Variants in ATP11A observed in about 807,000 individuals in gnomAD.
ATP11A encodes the protein phospholipid-transporting ATPase IH.
ATP11A carries 81 observed loss-of-function variants against 154.4 expected under a neutral mutation model. The ratio of observed to expected loss-of-function variants is 0.52; its 90% confidence interval spans 0.44 to 0.63. The LOEUF is 0.63. Ranked by LOEUF, ATP11A falls within the 30% of genes least tolerant of loss-of-function variation. The probability of loss-of-function intolerance (pLI) is 0.00; values close to 1 mark genes in which losing one functional copy is unlikely to be tolerated. For synonymous variants in ATP11A, 623 were observed against 585.9 expected, an observed-to-expected ratio of 1.06 and a Z score of -0.91; for missense variants, 1,316 against 1,474.3, an observed-to-expected ratio of 0.89 and a Z score of 1.76.
At chr13:112,801,948 A>G (rs1419476869) in intron 2 of ATP11A, among the ~76,000 whole-genome samples, 1 of 152,228 alleles carries the variant, frequency 6.6e-6, no homozygotes, top group African/African-American at 2.4e-5. Context: ...AAGACCCAGA[A>G]TAGCCTCGCA....
At chr13:112,718,159 C>A (rs1334160198) in intron 1 of ATP11A, among the ~76,000 whole-genome samples, 2 of 152,194 alleles carry the variant, frequency 1.3e-5, no homozygotes, top group Non-Finnish European at 2.9e-5. Context: ...TGTCTCTCCC[C>A]CTTTGCTGTG....
At chr13:112,864,004 A>G (rs185323365) in intron 25 of ATP11A, among the ~76,000 whole-genome samples, 9 of 50,270 alleles carry the variant, frequency 1.8e-4, no homozygotes, top group East Asian at 8.8e-4. Flanking sequence ...CACCACGTGC[A>G]CAGTAATTCA....
intron 1 of ATP11A, among the ~76,000 whole-genome samples, chr13:112,764,752 G>T (rs1263202891): frequency 2.6e-5 from 4 of 152,236 alleles, no homozygotes; most frequent in Non-Finnish European, 4.4e-5. Context: ...GGCTGGAAGT[G>T]CAGAGTCCTG....
intron 4 of ATP11A, among the ~76,000 whole-genome samples, chr13:112,806,846 C>T (rs61294147): frequency 1.3e-5 from 2 of 152,118 alleles, no homozygotes; most frequent in African/African-American, 2.4e-5. Context: ...TTTCTGTCAC[C>T]GTAGAGTCGC....
At chr13:112,719,682 G>T (rs970484320) in intron 1 of ATP11A, among the ~76,000 whole-genome samples, 1 of 150,436 alleles carries the variant, frequency 6.6e-6, no homozygotes, top group Admixed American at 6.6e-5. Flanking sequence ...TTACTTCTTT[G>T]TAGAGGGTAA....
rs145587952 is a variant in ATP11A, at chr13:112,862,446, C to T, written c.2862C>T (p.Val954=). ...LKRDPTLYRD[V]AKNALLRWRV... The stretch of plus-strand genomic sequence containing the variant: ...GCACCTTTCTCCTCACCAGGGACGT[C>T]GCCAAGAATGCCCTGCTGCGCTGGC... Residue 954 remains valine, a synonymous_variant, in exon 25 of 30, where the codon GTC becomes GTT. Coordinates refer to ENST00000375645, the MANE Select transcript of ATP11A (RefSeq NM_015205.3). 7.0e-5 allele frequency: 113 copies of T among 1,613,600 alleles called. 1 individual carries two copies. The Admixed American group carries it at 1.1e-3, about 16-fold the overall frequency.
chr13:112,755,990 T>A (rs562065985), intron 1 of ATP11A, among the ~76,000 whole-genome samples: 25 of 149,224 alleles, frequency 1.7e-4, no homozygotes, highest in African/African-American at 5.8e-4. Flanking sequence ...CAGAACCATT[T>A]CCGGTCACGG....
chr13:112,699,907 C>A (rs1037294400), intron 1 of ATP11A, among the ~76,000 whole-genome samples: 1 of 152,098 alleles, frequency 6.6e-6, no homozygotes, highest in Non-Finnish European at 1.5e-5. Flanking sequence ...TATTAATGGA[C>A]ATGAAAATAA....
Position 112,825,559 on chromosome 13 carries a change from G to T in ATP11A, c.1002G>T (p.Glu334Asp). The change falls in exon 11 of 30, where the codon GAG becomes GAT. Residue 334 changes from glutamate to aspartate, a missense_variant. Glu to Asp is a conservative substitution (Grantham distance 45). This residue lies in a region of ATP11A where 876 missense variants were observed against 1,006.8 expected (regional missense o/e 0.87). Coordinates refer to ENST00000375645, the MANE Select transcript of ATP11A (RefSeq NM_015205.3). ...AGCCGTGGTATAATCAGAAAACGGA[G>T]TCGGAAAGGCAGAGGAATCTGGTAT... ...RDEPWYNQKT[E>D]SERQRNLFLK... The T allele has an allele frequency of 6.2e-7, 1 of 1,613,542 alleles. No individual in the cohort carries two copies. The highest frequency in any genetic ancestry group is 2.2e-5 in the East Asian group (1 of 44,876).
intron 1 of ATP11A, among the ~76,000 whole-genome samples, chr13:112,702,046 A>G (rs1886610623): frequency 6.6e-6 from 1 of 151,604 alleles, no homozygotes; most frequent in Non-Finnish European, 1.5e-5. Flanking sequence ...CAGAGTGTGC[A>G]AAAACACTCT....
chr13:112,766,606 G>A (rs1421043786), intron 1 of ATP11A, among the ~76,000 whole-genome samples: 4 of 144,500 alleles, frequency 2.8e-5, no homozygotes, highest in African/African-American at 5.8e-5. Context: ...GCTTGCATCC[G>A]TCTCCCTGTA....
chr13:112,694,985 T>A (rs927052188), intron 1 of ATP11A, among the ~76,000 whole-genome samples: 1 of 152,240 alleles, frequency 6.6e-6, no homozygotes, highest in East Asian at 1.9e-4. Context: ...TACCGAATGG[T>A]GTATAATGTG....
At chr13:112,825,661 A>AC in intron 11 of ATP11A, 81 bp downstream of exon 11, 1 of 1,475,010 alleles carries the variant, frequency 6.8e-7, no homozygotes. Flanking sequence ...GAAAAAGATG[A>AC]CGGTGAATTT....
At chr13:112,726,518 G>A (rs187440723) in intron 1 of ATP11A, among the ~76,000 whole-genome samples, 1 of 152,302 alleles carries the variant, frequency 6.6e-6, no homozygotes, top group East Asian at 1.9e-4. Flanking sequence ...TCCCAGATCT[G>A]CAGGTGAATG....
In ATP11A at chr13:112,838,219, G is replaced by A. The variant is rs115958510; in HGVS notation, c.1705+1968G>A. Among the ~76,000 whole-genome samples, 629 of 152,304 alleles carry A rather than the reference G, an allele frequency of 4.1e-3. 5 individuals are homozygous for A. Among genetic ancestry groups the A allele is most frequent in the African/African-American group, 0.015 (607 of 41,566 alleles). ...AACCCTTCCCCCCGGCTCGGATGAGGCGCAGTCCTGAGAGTCTCAGCCACT... is the reference window on the plus strand; with the variant it reads ...AACCCTTCCCCCCGGCTCGGATGAGACGCAGTCCTGAGAGTCTCAGCCACT... On this transcript the variant is annotated intron_variant, in intron 16 of 29. Transcript: ENST00000375645. This position sits in a 1 kb window ranked among gnomAD's most constrained non-coding sequence, Gnocchi z 7.3.
At chr13:112,745,924 C>T (rs950783166) in intron 1 of ATP11A, 1 of 152,194 alleles carries the variant, frequency 6.6e-6, no homozygotes, top group Non-Finnish European at 1.5e-5. Flanking sequence ...TAGGTGTCCC[C>T]ACCTCCCCTC....
chr13:112,732,226 G>T (rs1047932474), intron 1 of ATP11A, among the ~76,000 whole-genome samples: 2 of 152,192 alleles, frequency 1.3e-5, no homozygotes, highest in African/African-American at 4.8e-5. Context: ...TTGCACTCAG[G>T]TGGGCAACTT....
chr13:112,808,259 C>T lies in ATP11A; in HGVS notation c.333+1966C>T, dbSNP rs1384780327. On this transcript the variant is annotated intron_variant, in intron 4 of 29. Coordinates refer to ENST00000375645, the MANE Select transcript of ATP11A (RefSeq NM_015205.3). ...CTCCCTGGCTGTGTCCCCTCCCATC[C>T]CAGGGCAGTGGGCGGGCGTTTTGGG... is the stretch of plus-strand genomic sequence containing the variant. Among the ~76,000 whole-genome samples the T allele has an allele frequency of 3.9e-5, 6 of 152,092 alleles. No individual in the cohort carries two copies. In the East Asian group the frequency reaches 1.2e-3, roughly 29 times the overall value.
At chr13:112,780,662 G>A (rs2077475896) in intron 1 of ATP11A, among the ~76,000 whole-genome samples, 1 of 152,204 alleles carries the variant, frequency 6.6e-6, no homozygotes, top group African/African-American at 2.4e-5. Flanking sequence ...CCTATGGTCA[G>A]TCACATCAGC....
Sources: gnomAD v4.1 joint callset for allele counts (sites outside exome capture counted in the v4.1 genomes callset) on GRCh38, gnomAD v4.1.1 for gene constraint, gnomAD v4.1.1 regional missense constraint, Gnocchi (gnomAD v3.1) non-coding constraint, MANE v1.5 for transcripts, NCBI Gene and HGNC (gene_info 2026-07-23, HGNC 2026-07-21) for gene names.